Variants in C8orf34 observed in about 807,000 individuals in gnomAD.
C8orf34 encodes the protein chromosome 8 open reading frame 34.
C8orf34 carries 65 observed loss-of-function variants against 68.3 expected under a neutral mutation model. That is an observed-to-expected ratio of 0.95 (90% CI 0.78 to 1.17). The LOEUF (loss-of-function observed/expected upper bound fraction) is 1.17. Ranked by LOEUF, C8orf34 falls within the 50% of genes most tolerant of loss-of-function variation. The probability of loss-of-function intolerance (pLI) is 0.00; values close to 1 mark genes in which losing one functional copy is unlikely to be tolerated. For synonymous variants in C8orf34, 244 were observed against 241.2 expected (o/e 1.01, Z -0.11); for missense variants, 664 against 655.4 (o/e 1.01, Z -0.14).
intron 7 of C8orf34, among the ~76,000 whole-genome samples, chr8:68,559,759 A>T (rs1427377405): frequency 6.6e-6 from 1 of 152,182 alleles, no homozygotes; most frequent in Non-Finnish European, 1.5e-5. Context: ...AAATTTGAGA[A>T]GGGAGTCGGT....
At chr8:68,713,661 A>G (rs1234191943) in intron 9 of C8orf34, among the ~76,000 whole-genome samples, 1 of 151,892 alleles carries the variant, frequency 6.6e-6, no homozygotes, top group African/African-American at 2.4e-5. Flanking sequence ...AAATAGTAAT[A>G]AAAAAAATTG....
chr8:68,521,031 T>C (rs1488234922), intron 5 of C8orf34, among the ~76,000 whole-genome samples: 1 of 152,220 alleles, frequency 6.6e-6, no homozygotes, highest in Non-Finnish European at 1.5e-5. Context: ...AAGCAGTTCT[T>C]TGCCTGTAGC....
chr8:68,807,471 A>G (rs1374167467), intron 12 of C8orf34, among the ~76,000 whole-genome samples: 6 of 152,032 alleles, frequency 3.9e-5, no homozygotes, highest in Admixed American at 6.5e-5. Context: ...TAGTTTTTTT[A>G]TATTTTGGCA....
chr8:68,482,581 G>T (rs1175270384), intron 4 of C8orf34, among the ~76,000 whole-genome samples: 1 of 152,104 alleles, frequency 6.6e-6, no homozygotes, highest in Non-Finnish European at 1.5e-5. Flanking sequence ...AGTCTAAAGG[G>T]TGTTTTAGTT....
rs151206621 is a variant in C8orf34, at chr8:68,441,715, C to T, written c.475+2069C>T. Among the ~76,000 whole-genome samples the T allele has an allele frequency of 3.9e-3, 590 of 152,300 alleles. 1 individual carries two copies. The highest frequency in any genetic ancestry group is 0.013 in the African/African-American group (560 of 41,568). On this transcript the variant is annotated intron_variant, in intron 2 of 13. Transcript: ENST00000518698. ...AGGGCATTTCTCTCATTCCAATCTACTAAGATGGATCTTATATACTAGAAT... is the reference window on the plus strand; with the variant it reads ...AGGGCATTTCTCTCATTCCAATCTATTAAGATGGATCTTATATACTAGAAT...
intron 8 of C8orf34, among the ~76,000 whole-genome samples, chr8:68,681,979 A>T (rs980302584): frequency 5.3e-5 from 8 of 152,176 alleles, no homozygotes; most frequent in Non-Finnish European, 1.0e-4. Context: ...AATTGAATTC[A>T]TGAAGAGATA....
At chr8:68,532,456 A>G (rs1395699011) in intron 6 of C8orf34, among the ~76,000 whole-genome samples, 1 of 152,208 alleles carries the variant, frequency 6.6e-6, no homozygotes, top group Non-Finnish European at 1.5e-5. Flanking sequence ...ATACAAAGAG[A>G]TAGACTCAAA....
At chr8:68,384,493 G>A (rs1274445716) in intron 1 of C8orf34, among the ~76,000 whole-genome samples, 1 of 152,168 alleles carries the variant, frequency 6.6e-6, no homozygotes, top group East Asian at 1.9e-4. Context: ...AAGAAGACAA[G>A]ATTAATTGGT....
At chr8:68,635,337 A>T (rs1371847866) in intron 7 of C8orf34, among the ~76,000 whole-genome samples, 2 of 152,186 alleles carry the variant, frequency 1.3e-5, no homozygotes, top group Non-Finnish European at 2.9e-5. Flanking sequence ...CTCAAAGGTA[A>T]TGAGGGGCCA....
At chr8:68,603,352 G>T (rs1408682465) in intron 7 of C8orf34, among the ~76,000 whole-genome samples, 2 of 151,900 alleles carry the variant, frequency 1.3e-5, no homozygotes, top group East Asian at 3.9e-4. Flanking sequence ...CCTCTCCCAG[G>T]TATATGCCCA....
At chr8:68,673,419 A>G (rs1420620560) in intron 8 of C8orf34, among the ~76,000 whole-genome samples, 1 of 152,014 alleles carries the variant, frequency 6.6e-6, no homozygotes, top group Non-Finnish European at 1.5e-5. Flanking sequence ...TCCTTAAAGG[A>G]GGGTCCAGCC....
chr8:68,804,479 A>G (rs996450503), intron 12 of C8orf34, among the ~76,000 whole-genome samples: 1 of 152,182 alleles, frequency 6.6e-6, no homozygotes, highest in Non-Finnish European at 1.5e-5. Context: ...TTGCATATAG[A>G]ATTTCAGAAA....
At chr8:68,428,201 T>G (rs1405958876) in intron 1 of C8orf34, among the ~76,000 whole-genome samples, 2 of 151,854 alleles carry the variant, frequency 1.3e-5, no homozygotes, top group African/African-American at 4.8e-5. Flanking sequence ...TACAGAGAAT[T>G]TGTCACCACT....
intron 1 of C8orf34, among the ~76,000 whole-genome samples, chr8:68,410,476 A>G (rs1264656158): frequency 6.6e-6 from 1 of 152,182 alleles, no homozygotes; most frequent in Non-Finnish European, 1.5e-5. Flanking sequence ...CATAAGTTAT[A>G]TAAAAATACT....
chr8:68,767,844 A>T (rs563348662), intron 10 of C8orf34, among the ~76,000 whole-genome samples: 2 of 152,264 alleles, frequency 1.3e-5, no homozygotes, highest in East Asian at 3.9e-4. Context: ...TCATTTTATC[A>T]TCTTAGCAGC....
At chr8:68,350,324 A>G (rs968106531) in intron 1 of C8orf34, among the ~76,000 whole-genome samples, 2 of 150,862 alleles carry the variant, frequency 1.3e-5, no homozygotes, top group Non-Finnish European at 3.0e-5. Flanking sequence ...GTTATTTTGC[A>G]TTTTTTGAGG....
chr8:68,807,652 C>G (rs1228305785), intron 12 of C8orf34, among the ~76,000 whole-genome samples: 3 of 151,958 alleles, frequency 2.0e-5, no homozygotes, highest in Non-Finnish European at 4.4e-5. Flanking sequence ...GAACACATGG[C>G]CTTGTCATCA....
chr8:68,385,282 A>G (rs1808212863), intron 1 of C8orf34, among the ~76,000 whole-genome samples: 1 of 152,186 alleles, frequency 6.6e-6, no homozygotes, highest in Non-Finnish European at 1.5e-5. Flanking sequence ...GTCACACACC[A>G]AACAAATGGA....
chr8:68,476,001 C>CA (rs1172090285), intron 4 of C8orf34, among the ~76,000 whole-genome samples: 1 of 151,908 alleles, frequency 6.6e-6, no homozygotes, highest in East Asian at 1.9e-4. Flanking sequence ...TGCACTCAGC[C>CA]AAGAGAAAAA....
Sources: gnomAD v4.1 joint callset for allele counts (sites outside exome capture counted in the v4.1 genomes callset) on GRCh38, gnomAD v4.1.1 for gene constraint, MANE v1.5 for transcripts, NCBI Gene and HGNC (gene_info 2026-07-23, HGNC 2026-07-21) for gene names.